Variants in AADACL2 observed in about 807,000 individuals in gnomAD.
The protein encoded by AADACL2 is arylacetamide deacetylase like 2.
In AADACL2, 23 loss-of-function variants were observed where a neutral mutation model predicts 22.3. The observed-to-expected ratio is 1.03, with a 90% CI of 0.74 to 1.46. The LOEUF (loss-of-function observed/expected upper bound fraction) is 1.46, where lower values mean the gene tolerates loss of function less well. Ranked by LOEUF, AADACL2 falls within the 40% of genes most tolerant of loss-of-function variation. AADACL2 has a pLI of 0.00. For synonymous variants in AADACL2, 177 were observed against 166.2 expected, an observed-to-expected ratio of 1.07 and a Z score of -0.50; for missense variants, 472 against 482.9, an observed-to-expected ratio of 0.98 and a Z score of 0.21.
At chr3:151,734,789 C>T (rs1019740482) in intron 1 of AADACL2, among the ~76,000 whole-genome samples, 3 of 152,078 alleles carry the variant, frequency 2.0e-5, no homozygotes, top group Admixed American at 6.6e-5. Flanking sequence ...ATTGATTCCC[C>T]GCTATCCTGC....
Position 151,745,543 on chromosome 3 carries a change from C to G in AADACL2, c.466C>G (p.Gln156Glu), listed in dbSNP as rs1316863586. The G allele has an allele frequency of 3.7e-6, 6 of 1,613,662 alleles. No individual in the cohort carries two copies. Among genetic ancestry groups the G allele is most frequent in the Non-Finnish European group, 5.1e-6 (6 of 1,179,854 alleles). ...RLAPQHHFPA[Q>E]FEDGLAAVKF... ...GGCTCCTCAACACCACTTTCCTGCT[C>G]AGTTTGAAGATGGCCTTGCTGCAGT... Residue 156 changes from glutamine to glutamate, a missense_variant, in exon 4 of 5, where the codon CAG becomes GAG. Around this residue, in one of 3 missense-constraint regions of AADACL2, gnomAD observed 356 missense variants for 365.5 expected, o/e 0.97. Transcript: ENST00000356517.
chr3:151,740,782 G>T lies in AADACL2; in HGVS notation c.275G>T (p.Arg92Leu). 6.2e-7 allele frequency: 1 copy of T among 1,613,902 alleles called. No homozygotes were observed. The highest frequency in any genetic ancestry group is 8.5e-7 in the Non-Finnish European group (1 of 1,179,918). The stretch of plus-strand genomic sequence containing the variant: ...ACAACATTTGTTGACATTCCAGTAC[G>T]ATTGTACTTGCCAAAAAGAAAGTCA... The part of the protein sequence containing the change: ...TDTTFVDIPV[R>L]LYLPKRKSET... The change falls in exon 2 of 5, where the codon CGA becomes CTA. Residue 92 changes from arginine (R) to leucine (L), a missense_variant. Physicochemically the swap from Arg to Leu is moderately radical, Grantham distance 102 (BLOSUM62 -2). This residue lies in a region of AADACL2 where 356 missense variants were observed against 365.5 expected (regional missense o/e 0.97). Coordinates refer to ENST00000356517, the MANE Select transcript of AADACL2 (RefSeq NM_207365.4).
intron 4 of AADACL2, among the ~76,000 whole-genome samples, chr3:151,748,815 C>A (rs1417502995): frequency 6.6e-6 from 1 of 152,124 alleles, no homozygotes; most frequent in African/African-American, 2.4e-5. Context: ...TAATAAATTA[C>A]CCAGTCTCAG....
chr3:151,740,847 G>C lies in AADACL2; in HGVS notation c.340G>C (p.Gly114Arg). The C allele has an allele frequency of 6.2e-7, 1 of 1,613,726 alleles. No individual in the cohort carries two copies. Among genetic ancestry groups the C allele is most frequent in the Non-Finnish European group, 8.5e-7 (1 of 1,179,844 alleles). Residue 114 changes from glycine to arginine, a missense_variant, in exon 2 of 5, where the codon GGT (glycine) becomes CGT (arginine). Physicochemically the swap from Gly to Arg is moderately radical, Grantham distance 125. This residue lies in a region of AADACL2 where 356 missense variants were observed against 365.5 expected (regional missense o/e 0.97). Transcript: ENST00000356517. ...RRAVIYFHGG[G>R]FCFGSSKQRA... ...AGCTGTGATATATTTTCATGGTGGT[G>C]GTTTTTGTTTTGGAAGTTCCAGTAA... is the stretch of plus-strand genomic sequence containing the variant.
chr3:151,745,547 T>A lies in AADACL2; in HGVS notation c.470T>A (p.Phe157Tyr), dbSNP rs199625823. The A allele has an allele frequency of 1.9e-6, 3 of 1,613,916 alleles. No individual in the cohort carries two copies. Among genetic ancestry groups the A allele is most frequent in the African/African-American group, 2.7e-5 (2 of 75,038 alleles). ...CCTCAACACCACTTTCCTGCTCAGT[T>A]TGAAGATGGCCTTGCTGCAGTCAAA... The part of the protein sequence containing the change: ...LAPQHHFPAQ[F>Y]EDGLAAVKFF... Residue 157 changes from phenylalanine to tyrosine, a missense_variant, in exon 4 of 5, where the codon TTT becomes TAT. Physicochemically the swap from Phe to Tyr is conservative, Grantham distance 22 (BLOSUM62 3). Transcript: ENST00000356517.
At chr3:151,756,626 T>C (rs997314192) in intron 4 of AADACL2, among the ~76,000 whole-genome samples, 4 of 152,052 alleles carry the variant, frequency 2.6e-5, no homozygotes, top group African/African-American at 9.6e-5. Flanking sequence ...CAAAACTATA[T>C]GTACTGCCAA....
intron 1 of AADACL2, among the ~76,000 whole-genome samples, chr3:151,736,034 T>C (rs1201924989): frequency 6.6e-6 from 1 of 152,100 alleles, no homozygotes; most frequent in Non-Finnish European, 1.5e-5. Context: ...CCTAATCTTT[T>C]TGGAGTTGAA....
At chr3:151,750,820 CATACAT>C (rs1325422659) in intron 4 of AADACL2, among the ~76,000 whole-genome samples, 5 of 152,116 alleles carry the variant, frequency 3.3e-5, no homozygotes, top group South Asian at 2.1e-4. Flanking sequence ...TATGCACATA[CATACAT>C]ATACATGTAC....
intron 4 of AADACL2, among the ~76,000 whole-genome samples, chr3:151,752,798 GA>G (rs915324943): frequency 6.6e-6 from 1 of 152,104 alleles, no homozygotes; most frequent in African/African-American, 2.4e-5. Flanking sequence ...ATTTAAAGAG[GA>G]AGCTGTGATA....
chr3:151,736,919 G>A (rs747691390), intron 1 of AADACL2, among the ~76,000 whole-genome samples: 4 of 151,966 alleles, frequency 2.6e-5, no homozygotes, highest in African/African-American at 4.8e-5. Context: ...CACAATGGTC[G>A]AACTAATTTA....
At chr3:151,744,840 A>G (rs865877073) in intron 3 of AADACL2, among the ~76,000 whole-genome samples, 2 of 152,180 alleles carry the variant, frequency 1.3e-5, no homozygotes, top group Non-Finnish European at 2.9e-5. Context: ...AAAAAGCTCT[A>G]TGAATTGACT....
At chr3:151,748,553 T>C (rs1713537276) in intron 4 of AADACL2, among the ~76,000 whole-genome samples, 1 of 152,202 alleles carries the variant, frequency 6.6e-6, no homozygotes, top group Non-Finnish European at 1.5e-5. Flanking sequence ...AATAGATTAA[T>C]GCCCTTCAGA....
intron 4 of AADACL2, among the ~76,000 whole-genome samples, chr3:151,747,106 G>C (rs945375379): frequency 2.6e-5 from 4 of 151,764 alleles, no homozygotes; most frequent in African/African-American, 7.3e-5. Flanking sequence ...GTTGTATTGA[G>C]GTACAGTTGA....
chr3:151,740,544 T>C (rs1350340992), intron 1 of AADACL2, 102 bp from the exon 2 acceptor site: 3 of 752,902 alleles, frequency 4.0e-6, no homozygotes, highest in African/African-American at 3.6e-5. Context: ...TTTCTTTTTG[T>C]TTACCTTGCT....
In AADACL2 at chr3:151,754,711, G is replaced by A. The variant is rs116713026; in HGVS notation, c.604-2281G>A. On this transcript the variant is annotated intron_variant, in intron 4 of 4. Coordinates refer to ENST00000356517, the MANE Select transcript of AADACL2 (RefSeq NM_207365.4). Reference sequence around the variant, plus strand: ...ATAATAAAAAGGTAAATAGAAGTTTGAAATACAGTTACCAGTGTCTAAACT... The same window carrying A: ...ATAATAAAAAGGTAAATAGAAGTTTAAAATACAGTTACCAGTGTCTAAACT... 7.4e-3 allele frequency among the ~76,000 whole-genome samples: 1,130 copies of A among 152,118 alleles called. 19 individuals are homozygous for A. Among genetic ancestry groups the A allele is most frequent in the African/African-American group, 0.026 (1,076 of 41,524 alleles).
chr3:151,744,200 C>T (rs773586752), intron 3 of AADACL2, 38 bp downstream of exon 3: 8 of 1,605,426 alleles, frequency 5.0e-6, no homozygotes, highest in Non-Finnish European at 6.8e-6. Flanking sequence ...TGATTTTTGC[C>T]TTTACCATGT....
intron 4 of AADACL2, among the ~76,000 whole-genome samples, chr3:151,756,647 A>G (rs574113292): frequency 4.6e-5 from 7 of 152,000 alleles, no homozygotes; most frequent in Non-Finnish European, 1.0e-4. Context: ...TTTCCACTAG[A>G]AATATCTTTA....
chr3:151,737,629 A>G (rs1713135846), intron 1 of AADACL2, among the ~76,000 whole-genome samples: 1 of 152,186 alleles, frequency 6.6e-6, no homozygotes, highest in African/African-American at 2.4e-5. Context: ...AACTTGTTTT[A>G]TGAAACCTGG....
In AADACL2 at chr3:151,757,727, T is replaced by C; in HGVS notation, c.*133T>C. 8.6e-7 allele frequency: 1 copy of C among 1,159,320 alleles called. No homozygotes were observed. The highest frequency in any genetic ancestry group is 1.7e-5 in the South Asian group (1 of 57,808). 71.8% of individuals were successfully genotyped at this position (1,159,320 alleles called of 1,614,324 possible). On this transcript the variant is annotated 3_prime_UTR_variant, in exon 5 of 5. Coordinates refer to ENST00000356517, the MANE Select transcript of AADACL2 (RefSeq NM_207365.4). ...CAACATTTGTAGCAGTTAATGTGTG[T>C]CCTTGAAGAGTTATTAAATTTTCTG...
Sources: allele counts gnomAD v4.1 joint callset (sites outside exome capture counted in the v4.1 genomes callset), GRCh38; gene constraint gnomAD v4.1.1; regional missense constraint gnomAD v4.1.1; transcripts MANE v1.5; gene names NCBI Gene and HGNC (gene_info 2026-07-23, HGNC 2026-07-21).